The following NDUFAF7 variants were observed in gnomAD, a reference collection of about 807,000 sequenced individuals.
The protein encoded by NDUFAF7 is protein arginine methyltransferase NDUFAF7, mitochondrial.
In NDUFAF7, 48 loss-of-function variants were observed where a neutral mutation model predicts 47.2. That is an observed-to-expected ratio of 1.02 (90% confidence interval 0.81 to 1.29). The LOEUF is 1.29. Among genes scored for constraint, NDUFAF7 ranks in the 50% most tolerant of loss-of-function variants. NDUFAF7 has a pLI of 0.00. For missense variants in NDUFAF7, 635 were observed against 537.6 expected (o/e 1.18, Z -1.79); for synonymous variants, 217 against 190.0 (o/e 1.14, Z -1.17).
rs1665949423 is a variant in NDUFAF7 at position 37,237,781 on chromosome 2, G to A, written c.322G>A (p.Glu108Lys). The A allele has an allele frequency of 1.2e-6, 2 of 1,612,598 alleles. No individual in the cohort carries two copies. The highest frequency in any genetic ancestry group is 1.7e-6 in the Non-Finnish European group (2 of 1,179,034). ...GELLGIWFIS[E>K]WMATGKSTAF... ...GCTACTAGGTATATGGTTCATTAGTGAATGGATGGCCACTGGAAAAAGCAC... is the reference window on the plus strand; with the variant it reads ...GCTACTAGGTATATGGTTCATTAGTAAATGGATGGCCACTGGAAAAAGCAC... The change falls in exon 4 of 10, where the codon GAA (glutamate) becomes AAA (lysine). Residue 108 changes from glutamate (E) to lysine (K), a missense_variant. Glu to Lys is a moderately conservative substitution (Grantham distance 56). Coordinates refer to ENST00000002125, the MANE Select transcript of NDUFAF7 (RefSeq NM_144736.5).
At chr2:37,250,843 ATTAC>A (rs1413675792), downstream of NDUFAF7, 6 of 152,632 alleles carry the variant, frequency 3.9e-5, no homozygotes, top group African/African-American at 7.2e-5. Flanking sequence ...GTTTCTAGCA[ATTAC>A]TTCTTTTACA....
intron 7 of NDUFAF7, among the ~76,000 whole-genome samples, chr2:37,244,179 C>T (rs758715397): frequency 1.4e-4 from 22 of 152,086 alleles, no homozygotes; most frequent in Non-Finnish European, 2.6e-4. Context: ...GTGACCTTAA[C>T]GTCATGTAGT....
chr2:37,268,316 GTTCCTCTGA>G, the NDUFAF7 span: 74 of 470,936 alleles, frequency 1.6e-4, no homozygotes, highest in Non-Finnish European at 2.9e-4. Flanking sequence ...ACAGTTCTTT[GTTCCTCTGA>G]TGACAGGAAG....
downstream of NDUFAF7, among the ~76,000 whole-genome samples, chr2:37,257,843 CAGTG>C (rs532713102): frequency 1.8e-3 from 281 of 152,136 alleles, 2 homozygotes; most frequent in African/African-American, 6.1e-3. Context: ...GAGACTGCCC[CAGTG>C]AGTAACAGCA....
chr2:37,254,250 C>T, downstream of NDUFAF7: 1 of 1,613,438 alleles, frequency 6.2e-7, no homozygotes. Flanking sequence ...GTAACGTTTT[C>T]TCATCTTCAC....
intron 3 of NDUFAF7, 69 bp downstream of exon 3, chr2:37,236,245 C>G: frequency 7.6e-7 from 1 of 1,308,222 alleles, no homozygotes; most frequent in South Asian, 1.2e-5. Context: ...TTGTATTATT[C>G]TGTAGTAGTG....
At position 37,234,638 on chromosome 2, in the gene NDUFAF7, G is replaced by C. The variant is rs1036088599; in HGVS notation, c.217-1458G>C. ...GAAGAGATGTGTGGATTGAAAAAAT[G>C]TTCTCAAAAATGGGAGTGACTTGAT... On this transcript the variant is annotated intron_variant, in intron 2 of 9. Transcript: ENST00000002125. 3.9e-5 allele frequency among the ~76,000 whole-genome samples: 6 copies of C among 152,124 alleles called. No individual in the cohort carries two copies. The South Asian group carries it at 1.2e-3, about 32-fold the overall frequency.
At chr2:37,246,312 A>C in intron 8 of NDUFAF7, 117 bp downstream of exon 8, 2 of 1,196,440 alleles carry the variant, frequency 1.7e-6, no homozygotes, top group Non-Finnish European at 2.4e-6. Context: ...TTTATAGTTA[A>C]CATTAATTCA....
intron 4 of NDUFAF7, among the ~76,000 whole-genome samples, chr2:37,240,268 AC>A (rs1666220010): frequency 6.6e-6 from 1 of 152,062 alleles, no homozygotes; most frequent in Non-Finnish European, 1.5e-5. Context: ...TACAAAAATT[AC>A]CCAGTCGTGG....
the NDUFAF7 span, chr2:37,269,820 T>G: frequency 1.5e-6 from 1 of 661,256 alleles, no homozygotes; most frequent in South Asian, 2.4e-5. Context: ...GTGCAAACTA[T>G]TTTATGAAAA....
At chr2:37,253,429 TTG>T, downstream of NDUFAF7, 3 of 1,313,358 alleles carry the variant, frequency 2.3e-6, no homozygotes, top group Non-Finnish European at 2.1e-6. Context: ...GTGTTTTTTT[TTG>T]TTGTTGTTTA....
chr2:37,259,864 T>G, the NDUFAF7 span, among the ~76,000 whole-genome samples: 11 of 152,278 alleles, frequency 7.2e-5, no homozygotes, highest in African/African-American at 2.4e-4. Flanking sequence ...AGTACTGCTA[T>G]TTAATTATTT....
At chr2:37,249,643 G>GACAGACACACACACACACAC (rs1261022368), downstream of NDUFAF7, among the ~76,000 whole-genome samples, 184 of 132,624 alleles carry the variant, frequency 1.4e-3, 4 homozygotes, top group African/African-American at 4.9e-3. Flanking sequence ...CTGTGATAGA[G>GACAGACACACACACACACAC]ACACACACAC....
At chr2:37,232,343 A>T (rs1456592632) in intron 2 of NDUFAF7, 77 bp downstream of exon 2, 1 of 1,578,986 alleles carries the variant, frequency 6.3e-7, no homozygotes, top group East Asian at 2.2e-5. Flanking sequence ...AGAAGCCCGA[A>T]GGTTCTCAGC....
intron 4 of NDUFAF7, among the ~76,000 whole-genome samples, chr2:37,240,522 CAT>C (rs1332346788): frequency 6.6e-6 from 1 of 151,638 alleles, no homozygotes; most frequent in African/African-American, 2.4e-5. Context: ...AATATATAAA[CAT>C]ATGACAAATA....
chr2:37,268,954 A>ATG, the NDUFAF7 span: 1 of 153,282 alleles, frequency 6.5e-6, no homozygotes, highest in South Asian at 2.0e-4. Flanking sequence ...TAAGAGTTGT[A>ATG]TGAAAAGAAG....
At chr2:37,237,976 C>A in intron 4 of NDUFAF7, 109 bp downstream of exon 4, 1 of 797,094 alleles carries the variant, frequency 1.3e-6, no homozygotes, top group Non-Finnish European at 2.2e-6. Flanking sequence ...TTTCATATTT[C>A]TCAGCTAAAA....
chr2:37,241,163 A>G lies in NDUFAF7; in HGVS notation c.409-415A>G, dbSNP rs1666295525. ...GTTAAGCAGTCAGGTTTTCAGTACCATTCAGATTTGGTTCTTTGAGGTTAG... is the reference window on the plus strand; with the variant it reads ...GTTAAGCAGTCAGGTTTTCAGTACCGTTCAGATTTGGTTCTTTGAGGTTAG... On this transcript the variant is annotated intron_variant, in intron 4 of 9. Transcript: ENST00000002125. Among the ~76,000 whole-genome samples, 3 of 152,138 alleles carry G rather than the reference A, an allele frequency of 2.0e-5. No individual in the cohort carries two copies. The South Asian group carries it at 6.2e-4, about 32-fold the overall frequency.
At chr2:37,237,170 A>G (rs1395972832) in intron 3 of NDUFAF7, among the ~76,000 whole-genome samples, 1 of 152,086 alleles carries the variant, frequency 6.6e-6, no homozygotes, top group Non-Finnish European at 1.5e-5. Context: ...GAGTTTCTCC[A>G]TGTTGGTCAG....
Sources: gnomAD v4.1 joint callset for allele counts (sites outside exome capture counted in the v4.1 genomes callset) on GRCh38, gnomAD v4.1.1 for gene constraint, MANE v1.5 for transcripts, NCBI Gene and HGNC (gene_info 2026-07-23, HGNC 2026-07-21) for gene names.